Variants in GSTZ1 observed in about 807,000 individuals in gnomAD.
GSTZ1 encodes glutathione S-transferase zeta 1.
GSTZ1 carries 34 observed loss-of-function variants against 35.9 expected under a neutral mutation model. The observed-to-expected ratio is 0.95, with a 90% CI of 0.72 to 1.26. The LOEUF is 1.26. Ranked by LOEUF, GSTZ1 falls within the 50% of genes most tolerant of loss-of-function variation. The pLI, the probability that GSTZ1 is intolerant of heterozygous loss-of-function variation, is 0.00. For synonymous variants in GSTZ1, 93 were observed against 101.2 expected (o/e 0.92, Z 0.49); for missense variants, 263 against 271.7 (o/e 0.97, Z 0.23).
Position 77,321,121 on chromosome 14 carries a change from A to G in GSTZ1, c.-48A>G. The G allele has an allele frequency of 6.9e-7, 1 of 1,443,076 alleles. No homozygotes were observed. The highest frequency in any genetic ancestry group is 9.1e-7 in the Non-Finnish European group (1 of 1,092,942). 89.4% of individuals were successfully genotyped at this position (1,443,076 alleles called of 1,614,324 possible). A position where few individuals can be genotyped will look rare whatever the true frequency, so the allele number is the denominator to read the frequency against. ...TGAGCCTTAGTCGTCGGCAGGTCCC[A>G]GGCGCGAAGTTTCTCGGCCTGGAGG... On this transcript the variant is annotated 5_prime_UTR_variant, in exon 1 of 9. Coordinates refer to ENST00000216465, the MANE Select transcript of GSTZ1 (RefSeq NM_145870.3).
chr14:77,323,480 G>T (rs927977043), intron 1 of GSTZ1: 2 of 152,154 alleles, frequency 1.3e-5, no homozygotes, highest in African/African-American at 4.8e-5. Context: ...CCAAGTAGGT[G>T]TGATTACAGA....
chr14:77,328,369 A>T, intron 5 of GSTZ1: 1 of 325,150 alleles, frequency 3.1e-6, no homozygotes, highest in South Asian at 4.0e-5. Flanking sequence ...CTTCCGTTTC[A>T]TCTGTGCTAT....
intron 1 of GSTZ1, among the ~76,000 whole-genome samples, chr14:77,321,997 C>T (rs1412680480): frequency 1.3e-5 from 2 of 152,054 alleles, no homozygotes; most frequent in Non-Finnish European, 2.9e-5. Context: ...CTCTGTTCAT[C>T]TCTGGTGGAA....
chr14:77,328,968 CT>C (rs5809824), intron 5 of GSTZ1, 154 bp from the exon 6 acceptor site: 543,860 of 665,418 alleles, frequency 0.82, 223,487 homozygotes, highest in East Asian at 0.97. Context: ...CCTCAGGGCC[CT>C]TGGTTGAAGG....
intron 6 of GSTZ1, chr14:77,329,428 G>A (rs928159420): frequency 6.7e-6 from 4 of 598,464 alleles, no homozygotes; most frequent in Non-Finnish European, 1.2e-5. Context: ...ATAGCTGGAT[G>A]GCCCAACTTC....
intron 1 of GSTZ1, chr14:77,321,631 C>T: frequency 1.2e-6 from 1 of 800,540 alleles, no homozygotes; most frequent in Non-Finnish European, 1.7e-6. Flanking sequence ...CGCCTGTAAT[C>T]CCAGCACTTT....
chr14:77,326,912 A>T lies in GSTZ1; in HGVS notation c.135+7A>T. On this transcript the variant is annotated splice_region_variant and intron_variant, in intron 3 of 8. Coordinates refer to ENST00000216465, the MANE Select transcript of GSTZ1 (RefSeq NM_145870.3). The stretch of plus-strand genomic sequence containing the variant: ...AAAGGATGGGGGCCAACAGGTAAGA[A>T]GGCTGTGCCCAGACCACAATGTGGG... 1 of 1,591,014 alleles carries T rather than the reference A, an allele frequency of 6.3e-7. No homozygotes were observed. Among genetic ancestry groups the T allele is most frequent in the Middle Eastern group, 1.7e-4 (1 of 6,022 alleles).
chr14:77,330,891 G>A (rs1892591371), intron 8 of GSTZ1, among the ~76,000 whole-genome samples, 178 bp from the exon 9 acceptor site: 1 of 152,150 alleles, frequency 6.6e-6, no homozygotes, highest in South Asian at 2.1e-4. Flanking sequence ...GGTAACAGAT[G>A]CCAAATGATA....
intron 6 of GSTZ1, 195 bp from the exon 7 acceptor site, chr14:77,329,560 T>C: frequency 1.7e-6 from 1 of 604,176 alleles, no homozygotes; most frequent in Non-Finnish European, 3.0e-6. Flanking sequence ...GGTGATTGTC[T>C]GTGCGGAGCC....
intron 1 of GSTZ1, chr14:77,321,403 T>G (rs1594815412): frequency 6.5e-7 from 1 of 1,529,032 alleles, no homozygotes; most frequent in African/African-American, 1.4e-5. Context: ...TGGTAGGGAG[T>G]GCGTAGCAGG....
rs151221873 is a variant in GSTZ1, at chr14:77,327,901, C to G, written c.217-11C>G. 1 of 1,613,658 alleles carries G rather than the reference C, an allele frequency of 6.2e-7. No individual in the cohort carries two copies. The highest frequency in any genetic ancestry group is 1.3e-5 in the African/African-American group (1 of 74,906). The stretch of plus-strand genomic sequence containing the variant: ...GGCCCTCTCCCTGCCTCACTGCTCC[C>G]CTCTGGACAGCTGGCCATCATTGAG... On this transcript the variant is annotated splice_polypyrimidine_tract_variant and intron_variant, in intron 4 of 8. Transcript: ENST00000216465.
chr14:77,329,546 A>C (rs12898118), intron 6 of GSTZ1: 14 of 599,618 alleles, frequency 2.3e-5, no homozygotes, highest in Non-Finnish European at 4.2e-5. Context: ...TCGAGTGGGG[A>C]AATGGTGATT....
In GSTZ1 at chr14:77,324,557, T is replaced by C. The variant is rs1364114220; in HGVS notation, c.16-313T>C. The C allele has an allele frequency of 2.0e-6, 3 of 1,523,326 alleles. No homozygotes were observed. The African/African-American group carries it at 4.1e-5, about 21-fold the overall frequency. 94.4% of individuals were successfully genotyped at this position (1,523,326 alleles called of 1,614,324 possible). ...AGGTTTCCTTTCCCTGCTCAGAAGC[T>C]GTGCCAGAGGGGACATTTCCTGGGA... On this transcript the variant is annotated intron_variant, in intron 1 of 8. Transcript: ENST00000216465.
intron 2 of GSTZ1, 36 bp from the exon 3 acceptor site, chr14:77,326,801 GC>G (rs1892337444): frequency 6.8e-7 from 1 of 1,474,684 alleles, no homozygotes; most frequent in Non-Finnish European, 9.4e-7. Context: ...ACGGCGAGAG[GC>G]TGTTCTTTGA....
At position 77,321,608 on chromosome 14, in the gene GSTZ1, G is replaced by A. The variant is rs943305384; in HGVS notation, c.15+425G>A. 12 of 1,067,552 alleles carry A rather than the reference G, an allele frequency of 1.1e-5. No individual in the cohort carries two copies. The South Asian group carries it at 1.9e-4, about 17-fold the overall frequency. 66.1% of individuals were successfully genotyped at this position (1,067,552 alleles called of 1,614,324 possible). On this transcript the variant is annotated intron_variant, in intron 1 of 8. Coordinates refer to ENST00000216465, the MANE Select transcript of GSTZ1 (RefSeq NM_145870.3). ...TGTATTTTAAGAGTCCCCGGGCCGG[G>A]CGCGGTGGCTCACGCCTGTAATCCC...
rs759072757 is a variant in GSTZ1, at chr14:77,321,185, T to G, written c.15+2T>G. The G allele has an allele frequency of 1.2e-5, 17 of 1,472,768 alleles. No homozygotes were observed. In the South Asian group the frequency reaches 1.9e-4, roughly 16 times the overall value. The allele number at this position is 1,472,768 out of a possible 1,614,324, so 91.2% of individuals were successfully genotyped here. On this transcript the variant is annotated splice_donor_variant, in intron 1 of 8. Coordinates refer to ENST00000216465, the MANE Select transcript of GSTZ1 (RefSeq NM_145870.3). LOFTEE classifies it high-confidence loss of function. ...AAGTGCCAGATGCAGGCGGGGAAGG[T>G]CTGTGACGCGCACCCGGGTGGAGGG...
intron 1 of GSTZ1, 95 bp from the exon 2 acceptor site, chr14:77,324,775 G>C (rs952130300): frequency 2.3e-6 from 3 of 1,287,880 alleles, no homozygotes; most frequent in African/African-American, 2.9e-5. Flanking sequence ...CCTGAGAGAG[G>C]AGGCCTGGCA....
rs544268205 is a variant in GSTZ1 at position 77,327,027 on chromosome 14, C to T, written c.135+122C>T. 120 of 717,710 alleles carry T rather than the reference C, an allele frequency of 1.7e-4. 1 individual carries two copies. The South Asian group carries it at 2.0e-3, about 12-fold the overall frequency. 44.5% of individuals were successfully genotyped at this position (717,710 alleles called of 1,614,324 possible). ...ACCTGTGTCTTGTGGACTATCACTGCAGGAGGCTGCTGGCTCTCCCTTGTG... is the reference window on the plus strand; with the variant it reads ...ACCTGTGTCTTGTGGACTATCACTGTAGGAGGCTGCTGGCTCTCCCTTGTG... On this transcript the variant is annotated intron_variant, in intron 3 of 8. Transcript: ENST00000216465.
At chr14:77,324,949 G>A in intron 2 of GSTZ1, 28 bp downstream of exon 2, 1 of 1,579,330 alleles carries the variant, frequency 6.3e-7, no homozygotes, top group East Asian at 2.2e-5. Flanking sequence ...TCCAGGATGA[G>A]TGCTGGAGTG....
Sources: gnomAD v4.1 joint callset for allele counts (sites outside exome capture counted in the v4.1 genomes callset) on GRCh38, gnomAD v4.1.1 for gene constraint, MANE v1.5 for transcripts, NCBI Gene and HGNC (gene_info 2026-07-23, HGNC 2026-07-21) for gene names.